The following POC1B variants were observed in gnomAD, a reference collection of about 807,000 sequenced individuals.
POC1B encodes the protein POC1 centriolar protein homolog B.
POC1B carries 44 observed loss-of-function variants against 60.6 expected under a neutral mutation model. That is an observed-to-expected ratio of 0.73 (90% CI 0.57 to 0.93). POC1B has a LOEUF of 0.93. Ranked by LOEUF, POC1B falls within the 40% of genes least tolerant of loss-of-function variation. POC1B has a pLI of 0.00. For synonymous variants in POC1B, 180 were observed against 198.9 expected (o/e 0.90, Z 0.80); for missense variants, 555 against 572.3 (o/e 0.97, Z 0.31).
intron 10 of POC1B, among the ~76,000 whole-genome samples, chr12:89,456,237 T>C (rs1390781160): frequency 6.6e-6 from 1 of 152,200 alleles, no homozygotes; most frequent in Non-Finnish European, 1.5e-5. Flanking sequence ...GCCAGGCTAG[T>C]CCGGAACCCC....
intron 10 of POC1B, among the ~76,000 whole-genome samples, chr12:89,448,727 C>T (rs2120757263): frequency 6.6e-6 from 1 of 152,368 alleles, no homozygotes; most frequent in East Asian, 1.9e-4. Flanking sequence ...CCATATGGCA[C>T]ACCTTCTGGA....
chr12:89,505,767 C>T (rs1331963323), intron 2 of POC1B, among the ~76,000 whole-genome samples: 1 of 152,204 alleles, frequency 6.6e-6, no homozygotes, highest in East Asian at 1.9e-4. Flanking sequence ...AAACATCACT[C>T]TAGCTGTTGT....
At chr12:89,403,761 G>A in the POC1B span, among the ~76,000 whole-genome samples, 2 of 152,144 alleles carry the variant, frequency 1.3e-5, no homozygotes, top group Non-Finnish European at 2.9e-5. Flanking sequence ...AAGGAGGCCC[G>A]TTTTGCTTTC....
chr12:89,485,895 AG>A (rs1357811407), intron 4 of POC1B, among the ~76,000 whole-genome samples: 1 of 152,210 alleles, frequency 6.6e-6, no homozygotes, highest in Non-Finnish European at 1.5e-5. Context: ...GATACTCTAC[AG>A]TGCTTCTCAG....
chr12:89,521,782 T>A (rs752634111), intron 2 of POC1B: 1 of 380,318 alleles, frequency 2.6e-6, no homozygotes, highest in African/African-American at 2.1e-5. Flanking sequence ...CCATTCACAA[T>A]TGCCAAGGCA....
chr12:89,472,244 A>C lies in POC1B; in HGVS notation c.484T>G (p.Cys162Gly), dbSNP rs1265718264. ...FSPDGRLIVS[C>G]SEDKTIKIWD... ...ATTTTAATAGTTTTATCCTCACTAC[A>C]TGACACAATTAGTCTTCCATCGGGT... The change falls in exon 5 of 12, where the codon TGT becomes GGT. Residue 162 changes from cysteine to glycine, a missense_variant. Cys to Gly is a radical substitution (Grantham distance 159). Transcript: ENST00000313546. 6.2e-7 allele frequency: 1 copy of C among 1,605,982 alleles called. No individual in the cohort carries two copies. The highest frequency in any genetic ancestry group is 1.7e-5 in the Admixed American group (1 of 59,724).
chr12:89,501,132 T>C, intron 2 of POC1B: 5 of 1,372,708 alleles, frequency 3.6e-6, no homozygotes, highest in Admixed American at 1.7e-5. Context: ...TCCTTCAAGA[T>C]AGAAAGTCAA....
downstream of POC1B, chr12:89,419,590 A>T (rs1880447055): frequency 6.6e-6 from 1 of 152,104 alleles, no homozygotes; most frequent in Admixed American, 6.6e-5. Flanking sequence ...AGCTCTGGAG[A>T]TAGGGCCCAG....
intron 9 of POC1B, among the ~76,000 whole-genome samples, chr12:89,462,931 T>C (rs181942846): frequency 6.6e-6 from 1 of 152,288 alleles, no homozygotes; most frequent in Admixed American, 6.5e-5. Flanking sequence ...TATAAACATA[T>C]ACCCCAGTTA....
At chr12:89,403,959 C>A in the POC1B span, among the ~76,000 whole-genome samples, 24 of 152,186 alleles carry the variant, frequency 1.6e-4, no homozygotes, top group Non-Finnish European at 2.9e-4. Flanking sequence ...ATGGGGAAAC[C>A]CTGTCTCTAC....
At chr12:89,441,150 A>G (rs930671557) in intron 10 of POC1B, among the ~76,000 whole-genome samples, 4 of 152,238 alleles carry the variant, frequency 2.6e-5, no homozygotes, top group Admixed American at 2.0e-4. Context: ...CCACAGCTCA[A>G]GGAGGCCTGC....
chr12:89,517,705 T>A (rs1376368147), intron 2 of POC1B, among the ~76,000 whole-genome samples: 1 of 152,242 alleles, frequency 6.6e-6, no homozygotes, highest in Non-Finnish European at 1.5e-5. Flanking sequence ...TTTCATCATG[T>A]TGTTCCAACA....
At chr12:89,404,964 T>A in the POC1B span, among the ~76,000 whole-genome samples, 7 of 152,208 alleles carry the variant, frequency 4.6e-5, no homozygotes, top group Non-Finnish European at 8.8e-5. Context: ...GTATTCGGCA[T>A]CACCAATGAA....
At chr12:89,485,191 A>G (rs556440520) in intron 4 of POC1B, 1 of 152,218 alleles carries the variant, frequency 6.6e-6, no homozygotes, top group Non-Finnish European at 1.5e-5. Context: ...TAGGACTTCT[A>G]GTCCTGCACA....
chr12:89,470,305 A>C lies in POC1B; in HGVS notation c.810+56T>G, dbSNP rs1390734281. 6 of 981,802 alleles carry C rather than the reference A, an allele frequency of 6.1e-6. No homozygotes were observed. The East Asian group carries it at 2.7e-4, about 44-fold the overall frequency. 60.8% of individuals were successfully genotyped at this position (981,802 alleles called of 1,614,324 possible). On this transcript the variant is annotated intron_variant, in intron 7 of 11. Transcript: ENST00000313546. ...ACATAAAAATGGATCAGAAATTTAA[A>C]ATATATATTATTTTATATTTTTATA...
intron 2 of POC1B, chr12:89,522,190 T>C (rs1870941420): frequency 2.5e-6 from 1 of 398,728 alleles, no homozygotes. Context: ...TTCATTTAAA[T>C]ATGGGTATGT....
At chr12:89,411,649 C>T in the POC1B span, among the ~76,000 whole-genome samples, 5 of 152,148 alleles carry the variant, frequency 3.3e-5, no homozygotes, top group Non-Finnish European at 7.3e-5. Flanking sequence ...TAAGAACTGC[C>T]ACCTCAAGCA....
intron 2 of POC1B, chr12:89,523,016 A>C: frequency 5.0e-6 from 8 of 1,613,870 alleles, no homozygotes; most frequent in Non-Finnish European, 6.8e-6. Context: ...ATTCCCACAT[A>C]ATTTTTTTGC....
chr12:89,522,792 T>C, intron 2 of POC1B: 3 of 1,543,534 alleles, frequency 1.9e-6, no homozygotes, highest in Non-Finnish European at 2.6e-6. Flanking sequence ...TGTCAGCTCA[T>C]GACGAAAGTG....
Sources: gnomAD v4.1 joint callset for allele counts (sites outside exome capture counted in the v4.1 genomes callset) on GRCh38, gnomAD v4.1.1 for gene constraint, MANE v1.5 for transcripts, NCBI Gene and HGNC (gene_info 2026-07-23, HGNC 2026-07-21) for gene names.